The following PUDP variants were observed in gnomAD, a reference collection of about 807,000 sequenced individuals.
PUDP encodes pseudouridine 5'-phosphatase.
Under a neutral mutation model 9.4 loss-of-function variants are expected in PUDP, and 8 were observed. The observed-to-expected ratio is 0.85, with a 90% CI of 0.50 to 1.53. The LOEUF is 1.53. Among genes scored for constraint, PUDP ranks in the 40% most tolerant of loss-of-function variants. The pLI, the probability that PUDP is intolerant of heterozygous loss-of-function variation, is 0.00. For synonymous variants in PUDP, 99 were observed against 80.7 expected (o/e 1.23, Z -1.22); for missense variants, 188 against 189.7 (o/e 0.99, Z 0.05).
chrX:6,926,782 TA>T (rs1308147931), intron 3 of PUDP, among the ~76,000 whole-genome samples: 2 of 111,894 alleles, frequency 1.8e-5, no homozygotes, highest in Non-Finnish European at 3.8e-5. Flanking sequence ...TTGAGGAGTC[TA>T]CCAGTGAGCT....
intron 3 of PUDP, among the ~76,000 whole-genome samples, chrX:6,849,005 C>T (rs1043890509): frequency 2.7e-5 from 3 of 112,224 alleles, no homozygotes; most frequent in African/African-American, 9.7e-5. Flanking sequence ...CAGATCCCTT[C>T]GCCAGATCAA....
chrX:6,833,848 C>G (rs754187544), intron 3 of PUDP, among the ~76,000 whole-genome samples: 6 of 111,899 alleles, frequency 5.4e-5, no homozygotes, highest in African/African-American at 1.9e-4. Context: ...TTTCCATGAG[C>G]CTGACCCATA....
chrX:6,746,540 C>T (rs1325154412), intron 3 of PUDP, among the ~76,000 whole-genome samples: 1 of 111,082 alleles, frequency 9.0e-6, no homozygotes, highest in Non-Finnish European at 1.9e-5. Context: ...CATGCGTTAG[C>T]TATGTTTCCT....
chrX:6,954,655 A>T (rs1226346652), intron 3 of PUDP, among the ~76,000 whole-genome samples: 1 of 112,205 alleles, frequency 8.9e-6, no homozygotes. Flanking sequence ...GGTGTTATGC[A>T]TATGGTTATG....
At chrX:6,946,772 A>G (rs1374979430) in intron 3 of PUDP, among the ~76,000 whole-genome samples, 2 of 112,144 alleles carry the variant, frequency 1.8e-5, no homozygotes, top group Admixed American at 9.5e-5. Context: ...AAAAACATTA[A>G]AAGTTTTGCT....
chrX:6,717,840 C>A (rs1924617305), intron 1 of PUDP, among the ~76,000 whole-genome samples: 1 of 112,027 alleles, frequency 8.9e-6, no homozygotes, highest in South Asian at 3.7e-4. Flanking sequence ...ATTCCCTCTT[C>A]TCTGCATCCT....
chrX:6,801,215 G>C (rs1925926928), intron 3 of PUDP, among the ~76,000 whole-genome samples: 1 of 112,492 alleles, frequency 8.9e-6, no homozygotes, highest in Non-Finnish European at 1.9e-5. Flanking sequence ...TGGCCACAAA[G>C]AGTGATCCAT....
chrX:6,887,588 C>G (rs1308217213), intron 3 of PUDP, among the ~76,000 whole-genome samples: 1 of 110,473 alleles, frequency 9.1e-6, no homozygotes, highest in Non-Finnish European at 1.9e-5. Flanking sequence ...GTTAGAGTAC[C>G]CTGGACAGAA....
chrX:6,746,843 C>T (rs1245457822), intron 3 of PUDP, among the ~76,000 whole-genome samples: 1 of 111,241 alleles, frequency 9.0e-6, no homozygotes, highest in Non-Finnish European at 1.9e-5. Context: ...TGATTCCATG[C>T]CTTTGTTATT....
At chrX:6,830,442 C>T (rs1191233285) in intron 3 of PUDP, among the ~76,000 whole-genome samples, 1 of 112,097 alleles carries the variant, frequency 8.9e-6, no homozygotes, top group African/African-American at 3.2e-5. Context: ...CATACAGAAT[C>T]CTGAATTTGA....
intron 3 of PUDP, among the ~76,000 whole-genome samples, chrX:6,905,397 A>G (rs1244311270): frequency 8.9e-6 from 1 of 111,948 alleles, no homozygotes; most frequent in Non-Finnish European, 1.9e-5. Flanking sequence ...CACCATAAAG[A>G]CATACCTGAG....
intron 3 of PUDP, among the ~76,000 whole-genome samples, chrX:6,883,399 G>A (rs1435951777): frequency 9.2e-6 from 1 of 108,870 alleles, no homozygotes; most frequent in East Asian, 2.9e-4. Context: ...GCGCTCGCCT[G>A]TAGTCCCTGA....
chrX:6,998,269 G>A (rs964528062), intron 1 of PUDP, among the ~76,000 whole-genome samples: 1 of 111,392 alleles, frequency 9.0e-6, no homozygotes, highest in Admixed American at 9.6e-5. Context: ...ATAATGCCTT[G>A]TATGACACAA....
intron 3 of PUDP, among the ~76,000 whole-genome samples, chrX:6,734,165 C>A (rs1212229765): frequency 9.0e-6 from 1 of 111,240 alleles, no homozygotes; most frequent in East Asian, 2.8e-4. Flanking sequence ...AAAAAAATCT[C>A]ATTTCAAGAA....
intron 1 of PUDP, among the ~76,000 whole-genome samples, chrX:7,001,865 A>T (rs1290536959): frequency 8.9e-6 from 1 of 111,954 alleles, no homozygotes; most frequent in African/African-American, 3.2e-5. Context: ...AACACTTCAC[A>T]AGACAATTTA....
downstream of PUDP, chrX:7,048,902 G>C (rs903227214): frequency 8.9e-6 from 1 of 111,961 alleles, no homozygotes; most frequent in Non-Finnish European, 1.9e-5. Flanking sequence ...GTAAAATCAT[G>C]ACTCTCATAC....
chrX:7,122,196 CA>C (rs1220616119), intron 1 of PUDP, among the ~76,000 whole-genome samples: 29 of 84,248 alleles, frequency 3.4e-4, no homozygotes, highest in East Asian at 7.5e-4. Flanking sequence ...GACCCTGTCT[CA>C]AAAAAAAAAA....
At chrX:6,959,999 A>C (rs1311487268) in intron 3 of PUDP, among the ~76,000 whole-genome samples, 3 of 112,510 alleles carry the variant, frequency 2.7e-5, no homozygotes, top group African/African-American at 9.7e-5. Context: ...GAAAGTAGAT[A>C]TCTTGTTTGA....
At chrX:6,983,876 A>C (rs1039153551) in intron 1 of PUDP, among the ~76,000 whole-genome samples, 7 of 112,496 alleles carry the variant, frequency 6.2e-5, no homozygotes, top group Non-Finnish European at 1.1e-4. Flanking sequence ...CAAGTAACCA[A>C]TGGAATTGTC....
Sources: allele counts gnomAD v4.1 joint callset (sites outside exome capture counted in the v4.1 genomes callset), GRCh38; gene constraint gnomAD v4.1.1; transcripts MANE v1.5; gene names NCBI Gene and HGNC (gene_info 2026-07-23, HGNC 2026-07-21).